Variants in EYS observed in about 807,000 individuals in gnomAD.
EYS encodes the protein EGF-like photoreceptor maintenance factor, also known as protein eyes shut homolog.
In EYS, 250 loss-of-function variants were observed where a neutral mutation model predicts 282.1. The observed-to-expected ratio is 0.89, with a 90% CI of 0.80 to 0.98. The LOEUF (loss-of-function observed/expected upper bound fraction) is 0.98, where lower values mean the gene tolerates loss of function less well. EYS is among the 50% of genes least tolerant of loss of function. The pLI is 0.00. For missense variants in EYS, 4,016 were observed against 3,709.0 expected (o/e 1.08, Z -2.15); for synonymous variants, 1,355 against 1,282.9 (o/e 1.06, Z -1.20).
intron 30 of EYS, among the ~76,000 whole-genome samples, chr6:64,295,603 T>C (rs1768944796): frequency 7.3e-6 from 1 of 136,386 alleles, no homozygotes; most frequent in Non-Finnish European, 1.6e-5. Flanking sequence ...GTGGCGGGCG[T>C]CTGTAGTCCC....
chr6:63,831,851 A>G (rs1582254821), intron 36 of EYS, among the ~76,000 whole-genome samples: 1 of 152,350 alleles, frequency 6.6e-6, no homozygotes, highest in African/African-American at 2.4e-5. Context: ...AAGAGCAGAA[A>G]TTACAAAAAA....
intron 1 of EYS, among the ~76,000 whole-genome samples, chr6:65,663,229 T>C (rs1298800264): frequency 6.6e-6 from 1 of 152,154 alleles, no homozygotes; most frequent in Non-Finnish European, 1.5e-5. Context: ...GAAGTATGTC[T>C]GTGTTTAGGT....
chr6:65,650,558 A>G (rs939812558), intron 1 of EYS, among the ~76,000 whole-genome samples: 1 of 152,210 alleles, frequency 6.6e-6, no homozygotes, highest in Non-Finnish European at 1.5e-5. Context: ...CATTTATGTT[A>G]AAGGTAAACA....
At chr6:64,574,567 T>C (rs565090208) in intron 26 of EYS, among the ~76,000 whole-genome samples, 1 of 152,252 alleles carries the variant, frequency 6.6e-6, no homozygotes, top group South Asian at 2.1e-4. Flanking sequence ...AAAGCTACCT[T>C]GAGTCAATTA....
chr6:64,468,874 A>G (rs1776013321), intron 26 of EYS, among the ~76,000 whole-genome samples: 1 of 152,196 alleles, frequency 6.6e-6, no homozygotes, highest in Non-Finnish European at 1.5e-5. Flanking sequence ...TGGTGTATAC[A>G]TATCATGCTT....
chr6:65,591,415 C>T (rs1237121230), intron 2 of EYS, among the ~76,000 whole-genome samples: 3 of 151,504 alleles, frequency 2.0e-5, no homozygotes, highest in Admixed American at 6.6e-5. Flanking sequence ...AATGCCTTTC[C>T]ATAATGTAAG....
chr6:64,204,949 A>C (rs1233946155), intron 31 of EYS, among the ~76,000 whole-genome samples: 1 of 152,174 alleles, frequency 6.6e-6, no homozygotes, highest in Non-Finnish European at 1.5e-5. Context: ...GTATCAAAAA[A>C]TGCACTGATG....
intron 30 of EYS, among the ~76,000 whole-genome samples, chr6:64,245,087 C>G (rs1766969111): frequency 6.7e-6 from 1 of 150,112 alleles, no homozygotes; most frequent in Non-Finnish European, 1.5e-5. Context: ...GTTGGGTTTT[C>G]TGTCCTTGTG....
chr6:64,839,265 T>C (rs1484915619), intron 19 of EYS, among the ~76,000 whole-genome samples: 1 of 152,048 alleles, frequency 6.6e-6, no homozygotes, highest in Non-Finnish European at 1.5e-5. Context: ...ATTTCATTAG[T>C]CATTAGATAA....
intron 7 of EYS, among the ~76,000 whole-genome samples, chr6:65,393,465 A>G (rs114997559): frequency 0.02 from 3,077 of 152,312 alleles, 96 homozygotes; most frequent in African/African-American, 0.071. Context: ...CATTCCATTA[A>G]TTAATACATT....
intron 29 of EYS, among the ~76,000 whole-genome samples, chr6:64,344,020 T>C (rs1771254282): frequency 1.3e-5 from 2 of 152,034 alleles, no homozygotes; most frequent in South Asian, 2.1e-4. Flanking sequence ...AAGTTGAATC[T>C]CTGAATAGAC....
chr6:64,558,352 G>A (rs1042421891), intron 26 of EYS, among the ~76,000 whole-genome samples: 7 of 152,048 alleles, frequency 4.6e-5, no homozygotes, highest in African/African-American at 1.7e-4. Context: ...CATAATTCTA[G>A]TGGAGGAAGA....
chr6:64,864,385 C>CTTTTGTTTTT (rs1766349123), intron 19 of EYS, among the ~76,000 whole-genome samples: 1 of 57,164 alleles, frequency 1.7e-5, no homozygotes, highest in Non-Finnish European at 3.6e-5. Flanking sequence ...GCTATACCTT[C>CTTTTGTTTTT]TTTTTTTTTT....
chr6:64,923,392 G>A (rs1463299239), intron 15 of EYS, among the ~76,000 whole-genome samples: 2 of 152,128 alleles, frequency 1.3e-5, no homozygotes. Flanking sequence ...TCCATAACAT[G>A]TGGGAATTCT....
chr6:65,310,070 G>A (rs1275525783), intron 11 of EYS, among the ~76,000 whole-genome samples: 8 of 152,262 alleles, frequency 5.3e-5, no homozygotes, highest in Non-Finnish European at 1.2e-4. Context: ...TTGGCTGGGC[G>A]TGGTGGCTCA....
chr6:65,636,568 C>A (rs1378450920), intron 2 of EYS, among the ~76,000 whole-genome samples: 1 of 151,994 alleles, frequency 6.6e-6, no homozygotes, highest in Non-Finnish European at 1.5e-5. Context: ...AACCACTTCC[C>A]TTAAGATGAC....
intron 11 of EYS, among the ~76,000 whole-genome samples, chr6:65,328,990 T>A (rs567847585): frequency 6.6e-6 from 1 of 151,230 alleles, no homozygotes; most frequent in South Asian, 2.1e-4. Flanking sequence ...CTCCAAGTCT[T>A]AGAAAATAAT....
At chr6:63,754,763 C>A (rs1356519725) in intron 41 of EYS, among the ~76,000 whole-genome samples, 4 of 152,134 alleles carry the variant, frequency 2.6e-5, no homozygotes, top group Non-Finnish European at 4.4e-5. Context: ...TAAGGAATGG[C>A]CACACTGTCT....
chr6:65,052,949 T>C (rs1486299328), intron 13 of EYS, among the ~76,000 whole-genome samples: 1 of 151,742 alleles, frequency 6.6e-6, no homozygotes, highest in Non-Finnish European at 1.5e-5. Flanking sequence ...GAAAAAAGAT[T>C]CTACAGATAT....
Sources: allele counts gnomAD v4.1 joint callset (sites outside exome capture counted in the v4.1 genomes callset), GRCh38; gene constraint gnomAD v4.1.1; transcripts MANE v1.5; gene names NCBI Gene and HGNC (gene_info 2026-07-23, HGNC 2026-07-21).